Variants in PGAP2 observed in about 807,000 individuals in gnomAD.
PGAP2 encodes the protein post-GPI attachment to proteins 2, also known as acyltransferase PGAP2.
In PGAP2, 21 loss-of-function variants were observed where a neutral mutation model predicts 33.2. The ratio of observed to expected loss-of-function variants is 0.63; its 90% CI spans 0.45 to 0.91. PGAP2 has a LOEUF of 0.91. PGAP2 is among the 40% of genes least tolerant of loss of function. PGAP2 has a pLI of 0.00. For synonymous variants in PGAP2, 161 were observed against 172.9 expected (o/e 0.93, Z 0.54); for missense variants, 345 against 424.0 (o/e 0.81, Z 1.64).
intron 3 of PGAP2, among the ~76,000 whole-genome samples, chr11:3,821,218 C>T (rs972561165): frequency 7.9e-5 from 12 of 152,108 alleles, no homozygotes; most frequent in Non-Finnish European, 1.3e-4. Flanking sequence ...TACCTGTGGG[C>T]TGCCCTATGA....
At chr11:3,815,168 A>G (rs1337310209) in intron 2 of PGAP2, among the ~76,000 whole-genome samples, 1 of 151,964 alleles carries the variant, frequency 6.6e-6, no homozygotes, top group African/African-American at 2.4e-5. Flanking sequence ...TTTTACTTAT[A>G]GTGAGTATGT....
intron 2 of PGAP2, among the ~76,000 whole-genome samples, chr11:3,815,472 GCTAA>G (rs1247168749): frequency 6.6e-6 from 1 of 152,050 alleles, no homozygotes; most frequent in Non-Finnish European, 1.5e-5. Context: ...ACCATGACTG[GCTAA>G]CTTTTTGTAT....
At chr11:3,823,470 G>A (rs1358180578) in intron 3 of PGAP2, 39 of 811,002 alleles carry the variant, frequency 4.8e-5, no homozygotes, top group Non-Finnish European at 7.7e-5. Flanking sequence ...ACTGTTCTAA[G>A]GAAGCTCAGA....
chr11:3,817,437 G>T lies in PGAP2; in HGVS notation c.250G>T (p.Val84Phe), dbSNP rs540040815. ...TLFRLRFTAM[V>F]WWAITFPVFG... Reference sequence around the variant, plus strand: ...GTTCCGGCTTCGCTTCACAGCCATGGTCTGGTGGGCCATCACTTTTCCTGT... The same window carrying T: ...GTTCCGGCTTCGCTTCACAGCCATGTTCTGGTGGGCCATCACTTTTCCTGT... The change falls in exon 3 of 7, where the codon GTC becomes TTC. Residue 84 changes from valine to phenylalanine, a missense_variant. By Grantham distance (50) the Val-to-Phe change is conservative. Transcript: ENST00000278243. The T allele has an allele frequency of 6.2e-7, 1 of 1,614,170 alleles. No individual in the cohort carries two copies. The highest frequency in any genetic ancestry group is 8.5e-7 in the Non-Finnish European group (1 of 1,180,022).
Position 3,808,575 on chromosome 11 carries a change from A to C in PGAP2, c.-87A>C. 7.3e-7 allele frequency: 1 copy of C among 1,366,650 alleles called. No individual in the cohort carries two copies. The highest frequency in any genetic ancestry group is 2.9e-5 in the East Asian group (1 of 34,664). 84.7% of individuals were successfully genotyped at this position (1,366,650 alleles called of 1,614,324 possible). ...CGCCCCCGCCGTTCGCGCTCTGACC[A>C]GCCCGCAGAGCCAGCCCCCGACCCC... On this transcript the variant is annotated 5_prime_UTR_variant, in exon 1 of 7. Transcript: ENST00000278243.
intron 1 of PGAP2, among the ~76,000 whole-genome samples, chr11:3,801,591 G>C (rs562923774): frequency 7.2e-6 from 1 of 139,120 alleles, no homozygotes; most frequent in East Asian, 2.2e-4. Context: ...GCAGTGAGCA[G>C]AGATCGCGCC....
intron 1 of PGAP2, among the ~76,000 whole-genome samples, chr11:3,798,949 C>T (rs1361147938): frequency 6.6e-6 from 1 of 152,224 alleles, no homozygotes; most frequent in Admixed American, 6.5e-5. Flanking sequence ...AGCCGAACCC[C>T]TACTTATTCT....
intron 2 of PGAP2, among the ~76,000 whole-genome samples, chr11:3,817,119 T>C (rs551538230): frequency 1.3e-5 from 2 of 152,122 alleles, no homozygotes; most frequent in East Asian, 3.9e-4. Flanking sequence ...GGACCTAGAG[T>C]ATCACTGTGC....
upstream of PGAP2, among the ~76,000 whole-genome samples, chr11:3,805,619 A>T (rs549109047): frequency 6.7e-6 from 1 of 148,278 alleles, no homozygotes; most frequent in Admixed American, 6.7e-5. Flanking sequence ...CTGTAATCCC[A>T]GCACTTTGGG....
chr11:3,798,041 G>C, intron 1 of PGAP2: 2 of 1,529,658 alleles, frequency 1.3e-6, no homozygotes, highest in Non-Finnish European at 1.8e-6. Context: ...AGGCTTCCTA[G>C]TCTCTCTGCC....
At chr11:3,824,974 C>T (rs1242170603) in intron 5 of PGAP2, 46 bp from the exon 6 acceptor site, 27 of 1,612,814 alleles carry the variant, frequency 1.7e-5, no homozygotes, top group Non-Finnish European at 2.2e-5. Flanking sequence ...AGCCCACGCT[C>T]TCATACCCAG....
Position 3,823,956 on chromosome 11 carries a change from G to T in PGAP2, c.422G>T (p.Cys141Phe). 1 of 1,609,772 alleles carries T rather than the reference G, an allele frequency of 6.2e-7. No homozygotes were observed. The highest frequency in any genetic ancestry group is 8.5e-7 in the Non-Finnish European group (1 of 1,179,932). The change falls in exon 4 of 7, where the codon TGC (cysteine) becomes TTC (phenylalanine). Residue 141 changes from cysteine to phenylalanine, a missense_variant. Transcript: ENST00000278243. ...EVPQRYVWRF[C>F]IGLHSAPRFL... ...CCCCAGCGCTACGTGTGGCGTTTCT[G>T]CATCGGCCTGCACTCGGCGCCTCGC...
chr11:3,815,407 C>G (rs1407699072), intron 2 of PGAP2, among the ~76,000 whole-genome samples: 1 of 151,950 alleles, frequency 6.6e-6, no homozygotes, highest in Non-Finnish European at 1.5e-5. Flanking sequence ...CTCCCAGGTT[C>G]AAGCGATTCT....
intron 2 of PGAP2, 42 bp from the exon 3 acceptor site, chr11:3,817,311 G>A: frequency 6.5e-7 from 1 of 1,535,436 alleles, no homozygotes; most frequent in Non-Finnish European, 8.9e-7. Context: ...CCAGACCCAG[G>A]TGTCCTACCA....
intron 1 of PGAP2, among the ~76,000 whole-genome samples, 171 bp downstream of exon 1, chr11:3,808,822 T>G (rs902744423): frequency 6.6e-6 from 1 of 152,234 alleles, no homozygotes; most frequent in African/African-American, 2.4e-5. Flanking sequence ...CTTGCCGAGC[T>G]GGCCCCCTTC....
At chr11:3,813,494 C>T (rs1315810131) in intron 2 of PGAP2, among the ~76,000 whole-genome samples, 1 of 152,184 alleles carries the variant, frequency 6.6e-6, no homozygotes, top group Non-Finnish European at 1.5e-5. Context: ...AGTAATCCTC[C>T]TGCCTCAGCC....
At chr11:3,817,277 A>G in intron 2 of PGAP2, 76 bp from the exon 3 acceptor site, 2 of 1,128,582 alleles carry the variant, frequency 1.8e-6, no homozygotes, top group Non-Finnish European at 2.6e-6. Context: ...CTGAGGAGCC[A>G]TCTCTGGAAA....
Position 3,811,394 on chromosome 11 carries a change from C to T in PGAP2, c.135C>T (p.His45=). The change falls in exon 2 of 7, where the codon CAC becomes CAT. Residue 45 remains histidine, a synonymous_variant. Coordinates refer to ENST00000278243, the MANE Select transcript of PGAP2 (RefSeq NM_014489.4). This position sits in a 1 kb window ranked among gnomAD's most constrained non-coding sequence, Gnocchi z 4.6. ...GCATCCTCTGGTCCCTGCTCTTCCA[C>T]TTCAAGGAGACAACGGCCACACACT... ...LFCILWSLLF[H]FKETTATHCG... 1 of 1,614,052 alleles carries T rather than the reference C, an allele frequency of 6.2e-7. No individual in the cohort carries two copies. The highest frequency in any genetic ancestry group is 1.7e-5 in the Admixed American group (1 of 60,004).
At chr11:3,810,413 C>T (rs1201901482) in intron 1 of PGAP2, among the ~76,000 whole-genome samples, 2 of 152,146 alleles carry the variant, frequency 1.3e-5, no homozygotes, top group East Asian at 1.9e-4. Flanking sequence ...GTATACTGTG[C>T]GGAGCTGGGC....
Sources: gnomAD v4.1 joint callset for allele counts (sites outside exome capture counted in the v4.1 genomes callset) on GRCh38, gnomAD v4.1.1 for gene constraint, Gnocchi (gnomAD v3.1) non-coding constraint, MANE v1.5 for transcripts, NCBI Gene and HGNC (gene_info 2026-07-23, HGNC 2026-07-21) for gene names.